The following PTPRC variants were observed in gnomAD, a reference collection of about 807,000 sequenced individuals.
The protein encoded by PTPRC is receptor-type tyrosine-protein phosphatase C.
Under a neutral mutation model 155.9 loss-of-function variants are expected in PTPRC, and 44 were observed. The observed-to-expected ratio is 0.28, with a 90% CI of 0.22 to 0.36. The LOEUF (loss-of-function observed/expected upper bound fraction) is 0.36, where lower values mean the gene tolerates loss of function less well. Ranked by LOEUF, PTPRC falls within the 10% of genes least tolerant of loss-of-function variation. The probability of loss-of-function intolerance (pLI) is 1.00; values close to 1 mark genes in which losing one functional copy is unlikely to be tolerated. For synonymous variants in PTPRC, 525 were observed against 533.1 expected (o/e 0.98, Z 0.21); for missense variants, 1,401 against 1,564.6 (o/e 0.90, Z 1.76).
At chr1:198,668,204 A>G (rs1198535605) in intron 2 of PTPRC, among the ~76,000 whole-genome samples, 1 of 152,038 alleles carries the variant, frequency 6.6e-6, no homozygotes, top group Admixed American at 6.6e-5. Context: ...TCATGGTGTG[A>G]TGTCTTTTTT....
At chr1:198,734,152 T>C (rs370925389) in intron 20 of PTPRC, 44 bp from the exon 21 acceptor site, 91 of 1,588,884 alleles carry the variant, frequency 5.7e-5, no homozygotes, top group Non-Finnish European at 7.8e-5. Flanking sequence ...AATGAGTAAT[T>C]GAATGTTCAG....
chr1:198,714,907 AGAG>A (rs1486503729), intron 12 of PTPRC, among the ~76,000 whole-genome samples: 1 of 151,534 alleles, frequency 6.6e-6, no homozygotes, highest in Non-Finnish European at 1.5e-5. Context: ...AGGGATTAAA[AGAG>A]GAGAAAAAAT....
chr1:198,646,696 A>C (rs1217503354), intron 2 of PTPRC, among the ~76,000 whole-genome samples: 1 of 151,864 alleles, frequency 6.6e-6, no homozygotes, highest in African/African-American at 2.4e-5. Flanking sequence ...GAAACTTTAG[A>C]AACACTTTTA....
At position 198,702,364 on chromosome 1, in the gene PTPRC, GCTGATGGCCCTT is replaced by G; in HGVS notation, c.440-17_440-6del. The G allele has an allele frequency of 6.2e-7, 1 of 1,614,180 alleles. No homozygotes were observed. The highest frequency in any genetic ancestry group is 8.5e-7 in the Non-Finnish European group (1 of 1,180,018). ...TTGCGTGACAGACACAAGTGACAGT[GCTGATGGCCCTT>G]CTGATTGCAGATGTCCCAGGAGAGA... On this transcript the variant is annotated splice_polypyrimidine_tract_variant and intron_variant, in intron 5 of 32. Coordinates refer to ENST00000442510, the MANE Select transcript of PTPRC (RefSeq NM_002838.5).
chr1:198,679,262 C>T (rs372200591), intron 2 of PTPRC: 1 of 149,224 alleles, frequency 6.7e-6, no homozygotes. Flanking sequence ...GAGACGGAGT[C>T]TCGCCTTGTC....
chr1:198,651,292 TTGTGTG>T (rs67899145), intron 2 of PTPRC, among the ~76,000 whole-genome samples: 18 of 147,796 alleles, frequency 1.2e-4, no homozygotes, highest in South Asian at 2.2e-4. Context: ...CAGATTGGGA[TTGTGTG>T]TGTGTGTGTG....
At chr1:198,694,672 CA>C in intron 3 of PTPRC, 1 of 981,766 alleles carries the variant, frequency 1.0e-6, no homozygotes. Flanking sequence ...ATAATGATGA[CA>C]GTGACTTAAT....
At chr1:198,725,523 CAGT>C (rs1422611026) in intron 15 of PTPRC, among the ~76,000 whole-genome samples, 1 of 152,158 alleles carries the variant, frequency 6.6e-6, no homozygotes, top group African/African-American at 2.4e-5. Flanking sequence ...GTTCTTCTCA[CAGT>C]AGGACAGGAA....
chr1:198,639,284 T>G lies in PTPRC; in HGVS notation c.16T>G (p.Trp6Gly), dbSNP rs761069010. The part of the protein sequence containing the change: MTMYL[W>G]LKLLAFGFAF... ...ACTTCCAGATATGACCATGTATTTGTGGCTTAAACTCTTGGCATTTGGCTT... is the reference window on the plus strand; with the variant it reads ...ACTTCCAGATATGACCATGTATTTGGGGCTTAAACTCTTGGCATTTGGCTT... Residue 6 changes from tryptophan (W) to glycine (G), a missense_variant, in exon 2 of 33, where the codon TGG becomes GGG. Transcript: ENST00000442510. The G allele has an allele frequency of 6.2e-7, 1 of 1,613,508 alleles. No homozygotes were observed. The highest frequency in any genetic ancestry group is 8.5e-7 in the Non-Finnish European group (1 of 1,179,528).
At chr1:198,658,862 T>C (rs1663759803) in intron 2 of PTPRC, among the ~76,000 whole-genome samples, 1 of 152,184 alleles carries the variant, frequency 6.6e-6, no homozygotes, top group African/African-American at 2.4e-5. Flanking sequence ...CCTTACCTTT[T>C]AGAGTAAGAA....
chr1:198,717,204 A>G (rs1433674396), intron 13 of PTPRC, among the ~76,000 whole-genome samples: 1 of 152,248 alleles, frequency 6.6e-6, no homozygotes, highest in Non-Finnish European at 1.5e-5. Flanking sequence ...AATGTCTCAT[A>G]AAGCATTAGC....
intron 11 of PTPRC, among the ~76,000 whole-genome samples, chr1:198,711,594 A>T (rs1653313577): frequency 6.6e-6 from 1 of 152,252 alleles, no homozygotes; most frequent in Non-Finnish European, 1.5e-5. Context: ...GCACAAAAGC[A>T]AGAAACATAA....
chr1:198,755,914 T>G lies in PTPRC; in HGVS notation c.3654T>G (p.Tyr1218Ter). 6.2e-7 allele frequency: 1 copy of G among 1,610,130 alleles called. No individual in the cohort carries two copies. ...CTTAATTCCTTTACTAGGAGCAATA[T>G]CAATTCCTATATGACGTCATTGCCA... ...RPGMVSTFEQ[Y>*]QFLYDVIAST... is the part of the protein sequence containing the mutation. The change falls in exon 33 of 33, where the codon TAT (tyrosine) becomes TAG (stop). Residue 1218 changes from tyrosine to a stop codon, truncating the protein, a stop_gained. Coordinates refer to ENST00000442510, the MANE Select transcript of PTPRC (RefSeq NM_002838.5). LOFTEE classifies it low-confidence loss of function (END_TRUNC).
intron 2 of PTPRC, among the ~76,000 whole-genome samples, chr1:198,667,507 G>T (rs1247564383): frequency 6.6e-6 from 1 of 152,200 alleles, no homozygotes; most frequent in Non-Finnish European, 1.5e-5. Context: ...GTCTGGCCAA[G>T]TGAGTTTGGA....
chr1:198,723,834 G>T (rs981036746), intron 15 of PTPRC, among the ~76,000 whole-genome samples: 1 of 152,212 alleles, frequency 6.6e-6, no homozygotes, highest in Non-Finnish European at 1.5e-5. Context: ...AGATATGAGA[G>T]AATGAGACCA....
intron 26 of PTPRC, among the ~76,000 whole-genome samples, chr1:198,746,796 C>A (rs1229124060): frequency 3.3e-5 from 5 of 151,806 alleles, no homozygotes; most frequent in African/African-American, 9.7e-5. Context: ...GCCTCGGTGA[C>A]TACACTCACA....
intron 11 of PTPRC, chr1:198,712,708 T>G: frequency 2.1e-6 from 1 of 483,914 alleles, no homozygotes; most frequent in Non-Finnish European, 3.7e-6. Flanking sequence ...GAAGAGGGGG[T>G]TCTTAGATAT....
At position 198,699,565 on chromosome 1, in the gene PTPRC, T is replaced by G. The variant is rs539973649; in HGVS notation, c.300T>G (p.Gly100=). Reference sequence around the variant, plus strand: ...AATGATCTCACTTTCCTACCTTAGGTGTTTCATCAGTACAGACGCCTCACC... The same window carrying G: ...AATGATCTCACTTTCCTACCTTAGGGGTTTCATCAGTACAGACGCCTCACC... ...LDNASAFNTT[G]VSSVQTPHLP... Residue 100 remains glycine (G), a splice_region_variant and synonymous_variant, in exon 5 of 33, where the codon GGT becomes GGG. Transcript: ENST00000442510. 6.2e-7 allele frequency: 1 copy of G among 1,614,050 alleles called. No homozygotes were observed. Among genetic ancestry groups the G allele is most frequent in the Non-Finnish European group, 8.5e-7 (1 of 1,180,030 alleles).
At chr1:198,737,861 T>C (rs1242924522) in intron 23 of PTPRC, among the ~76,000 whole-genome samples, 1 of 151,760 alleles carries the variant, frequency 6.6e-6, no homozygotes, top group African/African-American at 2.4e-5. Context: ...GTTTTCATTG[T>C]AGAGATCTTT....
Sources: allele counts gnomAD v4.1 joint callset (sites outside exome capture counted in the v4.1 genomes callset), GRCh38; gene constraint gnomAD v4.1.1; transcripts MANE v1.5; gene names NCBI Gene and HGNC (gene_info 2026-07-23, HGNC 2026-07-21).